TLL1: variants seen among roughly 807,000 people sequenced by gnomAD.
The protein encoded by TLL1 is tolloid like 1, also known as tolloid-like protein 1.
TLL1 carries 49 observed loss-of-function variants against 128.2 expected under a neutral mutation model. That is an observed-to-expected ratio of 0.38 (90% CI 0.30 to 0.48). The LOEUF is 0.48. Ranked by LOEUF, TLL1 falls within the 20% of genes least tolerant of loss-of-function variation. TLL1 has a pLI of 0.96. For missense variants in TLL1, 1,123 were observed against 1,242.0 expected (o/e 0.90, Z 1.44); for synonymous variants, 454 against 418.8 (o/e 1.08, Z -1.03).
chr4:166,071,314 C>T (rs1002826758), intron 16 of TLL1, among the ~76,000 whole-genome samples: 8 of 151,784 alleles, frequency 5.3e-5, no homozygotes, highest in African/African-American at 7.3e-5. Flanking sequence ...CTCAGAGGTT[C>T]GCTGCAGGCC....
chr4:165,936,204 A>T (rs187969079), intron 1 of TLL1, among the ~76,000 whole-genome samples: 2,598 of 132,304 alleles, frequency 0.02, 85 homozygotes, highest in African/African-American at 0.072. Flanking sequence ...ATATATATAT[A>T]TATTTTTTTT....
chr4:166,019,640 G>A (rs1413434561), intron 8 of TLL1, among the ~76,000 whole-genome samples: 1 of 152,044 alleles, frequency 6.6e-6, no homozygotes, highest in African/African-American at 2.4e-5. Context: ...TATGGTCTGT[G>A]ATAAGTGGGG....
chr4:165,900,533 T>A (rs1358549457), intron 1 of TLL1, among the ~76,000 whole-genome samples: 1 of 152,216 alleles, frequency 6.6e-6, no homozygotes, highest in East Asian at 1.9e-4. Context: ...GGTTGAAAAT[T>A]CTTTTCTTTA....
intron 13 of TLL1, 28 bp downstream of exon 13, chr4:166,055,299 G>A (rs766111549): frequency 1.3e-6 from 2 of 1,594,984 alleles, no homozygotes; most frequent in East Asian, 2.2e-5. Context: ...TCAAACGTGA[G>A]ATTTTCTTTA....
chr4:166,024,235 A>G (rs1345247692), intron 8 of TLL1, among the ~76,000 whole-genome samples: 1 of 152,092 alleles, frequency 6.6e-6, no homozygotes, highest in South Asian at 2.1e-4. Context: ...CATTTATATC[A>G]TATCTATTTT....
At chr4:165,940,572 G>A (rs1235679488) in intron 1 of TLL1, among the ~76,000 whole-genome samples, 1 of 151,900 alleles carries the variant, frequency 6.6e-6, no homozygotes, top group Non-Finnish European at 1.5e-5. Context: ...TTTTATGGTG[G>A]CTGAATTCGT....
chr4:165,979,004 A>G (rs936102754), intron 1 of TLL1, among the ~76,000 whole-genome samples: 3 of 152,090 alleles, frequency 2.0e-5, no homozygotes, highest in Non-Finnish European at 2.9e-5. Flanking sequence ...TATGCTATAT[A>G]TTGTCCAAGG....
Position 166,091,268 on chromosome 4 carries a change from A to T in TLL1, c.2583A>T (p.Gly861=). ...NKIPDPLVAT[G]NKMFVRFVSD... ...TACCAGATCCCCTTGTGGCTACTGG[A>T]AATAAAATGTTTGTTCGGTTTGTTT... The change falls in exon 19 of 21, where the codon GGA becomes GGT. Residue 861 remains glycine, a synonymous_variant. Coordinates refer to ENST00000061240, the MANE Select transcript of TLL1 (RefSeq NM_012464.5). 6.2e-7 allele frequency: 1 copy of T among 1,613,228 alleles called. No homozygotes were observed.
At chr4:165,924,847 G>A (rs888755581) in intron 1 of TLL1, among the ~76,000 whole-genome samples, 2 of 152,092 alleles carry the variant, frequency 1.3e-5, no homozygotes, top group African/African-American at 2.4e-5. Context: ...TAAAGCCAAC[G>A]CTTATTTACC....
chr4:166,056,778 G>A (rs545515919), intron 13 of TLL1, among the ~76,000 whole-genome samples: 1 of 152,152 alleles, frequency 6.6e-6, no homozygotes, highest in African/African-American at 2.4e-5. Context: ...GTGATCTTCA[G>A]TTGGCCCAGC....
intron 1 of TLL1, among the ~76,000 whole-genome samples, chr4:165,893,310 A>G (rs1731505315): frequency 6.6e-6 from 1 of 152,198 alleles, no homozygotes; most frequent in Non-Finnish European, 1.5e-5. Flanking sequence ...TTCTCAAGAC[A>G]CTGGGCATCA....
chr4:165,945,414 G>A (rs1177711223), intron 1 of TLL1, among the ~76,000 whole-genome samples: 2 of 152,162 alleles, frequency 1.3e-5, no homozygotes, highest in Non-Finnish European at 2.9e-5. Flanking sequence ...TTTATATGTT[G>A]ACAGAAGTTG....
Position 166,006,385 on chromosome 4 carries a change from C to T in TLL1, c.812-1558C>T, listed in dbSNP as rs6828938. 8.2e-3 allele frequency among the ~76,000 whole-genome samples: 1,240 copies of T among 151,828 alleles called. 19 individuals carry two copies. Among genetic ancestry groups the T allele is most frequent in the African/African-American group, 0.028 (1,172 of 41,480 alleles). ...AACAAAAATTGTTGTGTCATATGCA[C>T]GTTAAGTTCTCAAGTTAGATGCATT... On this transcript the variant is annotated intron_variant, in intron 6 of 20. Coordinates refer to ENST00000061240, the MANE Select transcript of TLL1 (RefSeq NM_012464.5).
At chr4:165,924,043 G>C (rs1265241773) in intron 1 of TLL1, among the ~76,000 whole-genome samples, 1 of 152,110 alleles carries the variant, frequency 6.6e-6, no homozygotes, top group African/African-American at 2.4e-5. Context: ...TCTTCTGACT[G>C]TTCCACTTAC....
intron 9 of TLL1, among the ~76,000 whole-genome samples, chr4:166,036,661 G>T (rs543131862): frequency 2.6e-5 from 4 of 152,076 alleles, no homozygotes; most frequent in South Asian, 2.1e-4. Flanking sequence ...TACATTTTCT[G>T]CTTTTAAAGG....
chr4:166,082,823 G>T (rs538212754), intron 18 of TLL1, among the ~76,000 whole-genome samples: 1 of 151,940 alleles, frequency 6.6e-6, no homozygotes, highest in African/African-American at 2.4e-5. Context: ...AATTACAGGC[G>T]CCTGCCACCA....
At chr4:165,903,624 G>A (rs1732107992) in intron 1 of TLL1, among the ~76,000 whole-genome samples, 1 of 151,368 alleles carries the variant, frequency 6.6e-6, no homozygotes, top group Non-Finnish European at 1.5e-5. Context: ...TATTGATCAG[G>A]CTGGTCTCAA....
In TLL1 at chr4:165,903,732, ATC is replaced by A. The variant is rs1491395522; in HGVS notation, c.169+29660_169+29661del. On this transcript the variant is annotated intron_variant, in intron 1 of 20. Coordinates refer to ENST00000061240, the MANE Select transcript of TLL1 (RefSeq NM_012464.5). ...AGCAGAGGTTAGATCTTAAGTTCTT[ATC>A]ACACACACACACACACACACACACA... 1.9e-3 allele frequency among the ~76,000 whole-genome samples: 198 copies of A among 104,718 alleles called. 2 individuals are homozygous for A. The highest frequency in any genetic ancestry group is 6.3e-3 in the African/African-American group (191 of 30,186). The allele number at this position is 104,718 out of a possible 152,430, so 68.7% of individuals were successfully genotyped here. A position where few individuals can be genotyped will look rare whatever the true frequency, so the allele number is the denominator to read the frequency against.
At chr4:165,877,895 G>T (rs1469567465) in intron 1 of TLL1, among the ~76,000 whole-genome samples, 2 of 151,950 alleles carry the variant, frequency 1.3e-5, no homozygotes, top group Non-Finnish European at 2.9e-5. Flanking sequence ...GGGTAGAGGG[G>T]TATAGAATTG....
Sources: gnomAD v4.1 joint callset for allele counts (sites outside exome capture counted in the v4.1 genomes callset) on GRCh38, gnomAD v4.1.1 for gene constraint, MANE v1.5 for transcripts, NCBI Gene and HGNC (gene_info 2026-07-23, HGNC 2026-07-21) for gene names.